Variants in SAMD4B observed in about 807,000 individuals in gnomAD.
SAMD4B encodes the protein protein Smaug homolog 2.
SAMD4B carries 5 observed loss-of-function variants against 74.5 expected under a neutral mutation model. The observed-to-expected ratio is 0.07, with a 90% CI of 0.04 to 0.14. The LOEUF (loss-of-function observed/expected upper bound fraction) is 0.14. SAMD4B is among the 10% of genes least tolerant of loss of function. The probability of loss-of-function intolerance (pLI) is 1.00; values close to 1 mark genes in which losing one functional copy is unlikely to be tolerated. For synonymous variants in SAMD4B, 373 were observed against 374.9 expected (o/e 1.00, Z 0.06); for missense variants, 608 against 921.8 (o/e 0.66, Z 4.41).
chr19:39,357,738 G>A (rs2076413030), intron 3 of SAMD4B, among the ~76,000 whole-genome samples: 1 of 152,152 alleles, frequency 6.6e-6, no homozygotes, highest in African/African-American at 2.4e-5. Flanking sequence ...AGCTGTCTGG[G>A]CCTCCACAGG....
At chr19:39,347,433 T>C (rs2075767407) in intron 1 of SAMD4B, among the ~76,000 whole-genome samples, 1 of 152,188 alleles carries the variant, frequency 6.6e-6, no homozygotes, top group East Asian at 1.9e-4. Context: ...TGTGATTCCA[T>C]CCGATGAACT....
At chr19:39,362,466 G>A (rs1037225933) in intron 3 of SAMD4B, among the ~76,000 whole-genome samples, 4 of 152,174 alleles carry the variant, frequency 2.6e-5, no homozygotes, top group Non-Finnish European at 4.4e-5. Flanking sequence ...CAGGCAGCCA[G>A]CATCAGTTTC....
At chr19:39,380,953 G>T in intron 11 of SAMD4B, 37 bp from the exon 12 acceptor site, 1 of 1,575,584 alleles carries the variant, frequency 6.3e-7, no homozygotes, top group Non-Finnish European at 8.6e-7. Context: ...GGCCTCTTCT[G>T]CACTCACTAC....
intron 1 of SAMD4B, among the ~76,000 whole-genome samples, chr19:39,347,302 C>A (rs1314267208): frequency 6.6e-6 from 1 of 152,194 alleles, no homozygotes; most frequent in East Asian, 1.9e-4. Flanking sequence ...TCTTGAGAGT[C>A]CCAGTTTGAA....
chr19:39,368,308 C>T lies in SAMD4B; in HGVS notation c.197-1347C>T, dbSNP rs776172186. On this transcript the variant is annotated intron_variant, in intron 3 of 13. Transcript: ENST00000610417. ...AAAGGAGAGGTCAAGATGACCATGA[C>T]ATGGAACAGCCAGGGAATGCTTCCT... Among the ~76,000 whole-genome samples the T allele has an allele frequency of 2.0e-5, 3 of 152,314 alleles. No individual in the cohort carries two copies. In the East Asian group the frequency reaches 5.8e-4, roughly 29 times the overall value.
rs1307643608 is a variant in SAMD4B at position 39,383,054 on chromosome 19, G to A, written c.1973-154G>A. Among the ~76,000 whole-genome samples, 2 of 151,964 alleles carry A rather than the reference G, an allele frequency of 1.3e-5. No homozygotes were observed. Among genetic ancestry groups the A allele is most frequent in the Non-Finnish European group, 2.9e-5 (2 of 67,976 alleles). ...GTCTCCTCTGCCTGTTGTGTGACAC[G>A]CTCGCCTCTCTCCCTGTCCACCTCC... On this transcript the variant is annotated intron_variant, in intron 12 of 13. Coordinates refer to ENST00000610417, the MANE Select transcript of SAMD4B (RefSeq NM_001384574.2). This position sits in a 1 kb window ranked among gnomAD's most constrained non-coding sequence, Gnocchi z 4.1.
rs1228020761 is a variant in SAMD4B, at chr19:39,383,083, C to T, written c.1973-125C>T. The T allele has an allele frequency of 1.0e-5, 8 of 777,548 alleles. No individual in the cohort carries two copies. Among genetic ancestry groups the T allele is most frequent in the East Asian group, 5.1e-5 (2 of 39,380 alleles). The allele number at this position is 777,548 out of a possible 1,614,324, so 48.2% of individuals were successfully genotyped here. A position where few individuals can be genotyped will look rare whatever the true frequency, so the allele number is the denominator to read the frequency against. On this transcript the variant is annotated intron_variant, in intron 12 of 13. Transcript: ENST00000610417. This position sits in a 1 kb window ranked among gnomAD's most constrained non-coding sequence, Gnocchi z 4.1. ...GCCTCTCTCCCTGTCCACCTCCTCC[C>T]GTTCTTCCCTCTCCCCCTCCATCTC...
Position 39,376,560 on chromosome 19 carries a change from G to T in SAMD4B, c.1017+14G>T. On this transcript the variant is annotated intron_variant, in intron 6 of 13. Coordinates refer to ENST00000610417, the MANE Select transcript of SAMD4B (RefSeq NM_001384574.2). ...CTGGAGTCTCAGGTGAAGCCAAGGG[G>T]ACCATCAGGGAGGTGCTGGGGGCAG... 1 of 1,607,326 alleles carries T rather than the reference G, an allele frequency of 6.2e-7. No homozygotes were observed. The highest frequency in any genetic ancestry group is 1.1e-5 in the South Asian group (1 of 90,892).
chr19:39,347,745 CTTG>C (rs1276227176), intron 1 of SAMD4B, among the ~76,000 whole-genome samples: 7 of 152,126 alleles, frequency 4.6e-5, no homozygotes, highest in African/African-American at 1.7e-4. Flanking sequence ...TTAGTGTAAA[CTTG>C]TTGAATAGAA....
rs1423513663 is a variant in SAMD4B at position 39,380,092 on chromosome 19, G to A, written c.1649+8G>A. The stretch of plus-strand genomic sequence containing the variant: ...CTACCGGCAGCAGAAAGGGTAGGCG[G>A]GTGGCCAGGTTACAGGGACCTGCCC... On this transcript the variant is annotated splice_region_variant and intron_variant, in intron 10 of 13. Transcript: ENST00000610417. 6.2e-7 allele frequency: 1 copy of A among 1,610,020 alleles called. No homozygotes were observed. Among genetic ancestry groups the A allele is most frequent in the African/African-American group, 1.3e-5 (1 of 74,844 alleles).
intron 10 of SAMD4B, 25 bp from the exon 11 acceptor site, chr19:39,380,562 C>T: frequency 6.2e-7 from 1 of 1,613,260 alleles, no homozygotes; most frequent in South Asian, 1.1e-5. Flanking sequence ...TGTAAATTAA[C>T]ACCCTGCCTT....
downstream of SAMD4B, chr19:39,390,429 A>C: frequency 2.6e-6 from 2 of 762,656 alleles, no homozygotes; most frequent in Non-Finnish European, 2.2e-6. Context: ...GAGTGTCCAA[A>C]TGCTTTAATG....
intron 4 of SAMD4B, among the ~76,000 whole-genome samples, chr19:39,372,468 TGGATTCCAGGCAGTTGCA>T (rs1350887471): frequency 6.6e-6 from 1 of 152,150 alleles, no homozygotes; most frequent in African/African-American, 2.4e-5. Flanking sequence ...GAGAAGCTTT[TGGATTCCAGGCAGTTGCA>T]GGAAACAGGA....
At chr19:39,388,589 C>T, downstream of SAMD4B, 2 of 1,614,190 alleles carry the variant, frequency 1.2e-6, no homozygotes, top group South Asian at 1.1e-5. Flanking sequence ...CCATCTCCTC[C>T]TCCTGGTCCC....
At chr19:39,362,166 T>G (rs1390547399) in intron 3 of SAMD4B, among the ~76,000 whole-genome samples, 1 of 152,150 alleles carries the variant, frequency 6.6e-6, no homozygotes, top group African/African-American at 2.4e-5. Context: ...CCTAGGTGAA[T>G]ATGTCCCTAG....
At chr19:39,345,951 T>C (rs1309993250) in intron 1 of SAMD4B, among the ~76,000 whole-genome samples, 3 of 152,168 alleles carry the variant, frequency 2.0e-5, no homozygotes, top group Non-Finnish European at 4.4e-5. Context: ...TTGTGCTGTT[T>C]CCTGATTCTG....
chr19:39,374,239 C>T (rs770034426), intron 4 of SAMD4B, among the ~76,000 whole-genome samples: 2 of 151,896 alleles, frequency 1.3e-5, no homozygotes, highest in Admixed American at 6.5e-5. Context: ...CCACCGCACT[C>T]GGCGACAGAG....
chr19:39,343,294 C>A (rs893559325), intron 1 of SAMD4B, among the ~76,000 whole-genome samples: 57 of 151,466 alleles, frequency 3.8e-4, no homozygotes, highest in African/African-American at 1.4e-3. Flanking sequence ...TGGAGATTTT[C>A]CGCTCATACC....
At chr19:39,376,682 G>C in intron 6 of SAMD4B, 23 bp from the exon 7 acceptor site, 2 of 1,611,348 alleles carry the variant, frequency 1.2e-6, no homozygotes, top group African/African-American at 2.7e-5. Flanking sequence ...CTAGCTTCCT[G>C]TCCCCTTCTG....
Sources: gnomAD v4.1 joint callset for allele counts (sites outside exome capture counted in the v4.1 genomes callset) on GRCh38, gnomAD v4.1.1 for gene constraint, Gnocchi (gnomAD v3.1) non-coding constraint, MANE v1.5 for transcripts, NCBI Gene and HGNC (gene_info 2026-07-23, HGNC 2026-07-21) for gene names.